TBC1D10A: variants seen among roughly 807,000 people sequenced by gnomAD.
The protein encoded by TBC1D10A is TBC1 domain family member 10A.
In TBC1D10A, 24 loss-of-function variants were observed where a neutral mutation model predicts 52.9. The observed-to-expected ratio is 0.45, with a 90% CI of 0.33 to 0.64. TBC1D10A has a LOEUF of 0.64. Among genes scored for constraint, TBC1D10A ranks in the 30% least tolerant of loss-of-function variants. TBC1D10A has a pLI of 0.02. For synonymous variants in TBC1D10A, 278 were observed against 282.9 expected, an observed-to-expected ratio of 0.98 and a Z score of 0.17; for missense variants, 602 against 687.9, an observed-to-expected ratio of 0.88 and a Z score of 1.40.
intron 2 of TBC1D10A, among the ~76,000 whole-genome samples, chr22:30,302,117 G>C (rs1930213739): frequency 6.6e-6 from 1 of 152,236 alleles, no homozygotes; most frequent in Non-Finnish European, 1.5e-5. Flanking sequence ...AGTACAGCCA[G>C]CCTTTCCCAC....
chr22:30,293,799 T>C lies in TBC1D10A; in HGVS notation c.902A>G (p.Lys301Arg), dbSNP rs139955651. The part of the protein sequence containing the change: ...VWDMFFCEGV[K>R]IIFRVGLVLL... ...CACCAGCCCCACCCGGAAGATGATC[T>C]TGACCCCTGCATGGGGGATGGGCAG... Residue 301 changes from lysine (K) to arginine (R), a missense_variant, in exon 8 of 9, where the codon AAG becomes AGG. Coordinates refer to ENST00000215790, the MANE Select transcript of TBC1D10A (RefSeq NM_031937.3). 3.1e-6 allele frequency: 5 copies of C among 1,611,408 alleles called. No homozygotes were observed. In the African/African-American group the frequency reaches 4.0e-5, roughly 13 times the overall value.
rs770300745 is a variant in TBC1D10A, at chr22:30,292,739, T to G, written c.1163A>C (p.His388Pro). The stretch of plus-strand genomic sequence containing the variant: ...TGCATCCAAGATAGCCTTGGCACCA[T>G]GCAGCCTGGGCGGGGAGCGGCACTG... ...ELQCRSPPRL[H>P]GAKAILDAEP... Residue 388 changes from histidine (H) to proline (P), a missense_variant, in exon 9 of 9, where the codon CAT (histidine) becomes CCT (proline). Around this residue, in one of 3 missense-constraint regions of TBC1D10A, gnomAD observed 265 missense variants for 275.1 expected, o/e 0.96. Transcript: ENST00000215790. The G allele has an allele frequency of 1.2e-6, 2 of 1,611,786 alleles. No homozygotes were observed. Among genetic ancestry groups the G allele is most frequent in the Non-Finnish European group, 1.7e-6 (2 of 1,179,488 alleles).
chr22:30,300,472 A>C (rs1930180760), intron 2 of TBC1D10A: 1 of 151,768 alleles, frequency 6.6e-6, no homozygotes, highest in Non-Finnish European at 1.5e-5. Context: ...AAAAAAAGGA[A>C]AAGGAACCAT....
chr22:30,320,910 G>A (rs1253268634), intron 1 of TBC1D10A, among the ~76,000 whole-genome samples: 4 of 152,210 alleles, frequency 2.6e-5, no homozygotes, highest in Non-Finnish European at 2.9e-5. Context: ...AGATTCTGGC[G>A]CTTGTGTGAG....
intron 1 of TBC1D10A, among the ~76,000 whole-genome samples, chr22:30,320,321 T>G (rs1027680336): frequency 3.9e-5 from 6 of 152,052 alleles, no homozygotes; most frequent in Admixed American, 1.3e-4. Flanking sequence ...GACCTTTCCC[T>G]GTACTGAGAC....
rs573258306 is a variant in TBC1D10A at position 30,299,269 on chromosome 22, G to A, written c.417+175C>T. On this transcript the variant is annotated intron_variant, in intron 3 of 8. Coordinates refer to ENST00000215790, the MANE Select transcript of TBC1D10A (RefSeq NM_031937.3). ...TGTACAGACCCTCCAGGAGACACAG[G>A]TACCCAGGACTGGGCCGGTCTGGCC... 4.9e-6 allele frequency: 3 copies of A among 613,022 alleles called. No homozygotes were observed. The East Asian group carries it at 8.6e-5, about 18-fold the overall frequency. 38.0% of individuals were successfully genotyped at this position (613,022 alleles called of 1,614,324 possible). A position where few individuals can be genotyped will look rare whatever the true frequency, so the allele number is the denominator to read the frequency against.
chr22:30,303,729 G>C (rs1930253572), intron 2 of TBC1D10A, among the ~76,000 whole-genome samples: 4 of 152,222 alleles, frequency 2.6e-5, no homozygotes, highest in Admixed American at 2.6e-4. Flanking sequence ...CTTGTACAGA[G>C]AGACCCTAGC....
intron 1 of TBC1D10A, among the ~76,000 whole-genome samples, chr22:30,308,158 G>A (rs1426546021): frequency 6.6e-6 from 1 of 152,236 alleles, no homozygotes; most frequent in Non-Finnish European, 1.5e-5. Context: ...TTAAGACCAT[G>A]TAGCTATAAG....
At chr22:30,305,319 G>A (rs1276695572) in intron 1 of TBC1D10A, among the ~76,000 whole-genome samples, 3 of 152,236 alleles carry the variant, frequency 2.0e-5, no homozygotes, top group Non-Finnish European at 4.4e-5. Flanking sequence ...GCCGTCCCAT[G>A]ATTAAAACAA....
intron 1 of TBC1D10A, among the ~76,000 whole-genome samples, chr22:30,308,519 A>G (rs185807128): frequency 5.9e-5 from 9 of 152,320 alleles, no homozygotes; most frequent in African/African-American, 1.9e-4. Context: ...ATGCACTCTG[A>G]TATTTCCAGA....
At chr22:30,296,923 G>A (rs1301281239) in intron 3 of TBC1D10A, 1 of 152,260 alleles carries the variant, frequency 6.6e-6, no homozygotes, top group East Asian at 1.9e-4. Flanking sequence ...GCACCTTCAT[G>A]GGAGTGTTGG....
chr22:30,324,116 C>T (rs928533937), intron 1 of TBC1D10A, among the ~76,000 whole-genome samples: 1 of 152,182 alleles, frequency 6.6e-6, no homozygotes. Flanking sequence ...TGTCTTAAGA[C>T]AACCTTTGGC....
At chr22:30,307,435 C>T (rs1182902579) in intron 1 of TBC1D10A, among the ~76,000 whole-genome samples, 1 of 152,180 alleles carries the variant, frequency 6.6e-6, no homozygotes, top group Non-Finnish European at 1.5e-5. Flanking sequence ...TATTGTTAAA[C>T]AGTTTCCACT....
intron 8 of TBC1D10A, 96 bp from the exon 9 acceptor site, chr22:30,292,947 C>G (rs577607862): frequency 7.3e-7 from 1 of 1,375,034 alleles, no homozygotes; most frequent in Admixed American, 1.8e-5. Flanking sequence ...CAGCATCCCC[C>G]AGCCTTGGCC....
At chr22:30,299,921 G>A (rs1237766481) in intron 2 of TBC1D10A, 4 of 170,550 alleles carry the variant, frequency 2.3e-5, no homozygotes, top group South Asian at 1.1e-4. Flanking sequence ...AGCCAAGATC[G>A]TGCCATTGCC....
At chr22:30,317,555 A>G (rs1930565494) in intron 1 of TBC1D10A, among the ~76,000 whole-genome samples, 2 of 152,136 alleles carry the variant, frequency 1.3e-5, no homozygotes, top group Admixed American at 1.3e-4. Context: ...TCCTAATCCA[A>G]TTATCTCATT....
chr22:30,294,063 C>T lies in TBC1D10A; in HGVS notation c.753G>A (p.Lys251=), dbSNP rs758512718. 3.1e-6 allele frequency: 5 copies of T among 1,614,110 alleles called. No homozygotes were observed. The African/African-American group carries it at 4.0e-5, about 13-fold the overall frequency. Residue 251 remains lysine, a synonymous_variant, in exon 7 of 9, where the codon AAG becomes AAA. Transcript: ENST00000215790. ...GGTGCTTGTGGGCCACCGGCGACAC[C>T]TTCTGCAACAGCGAGAAAAGGATCT... ...DGEILFSLLQ[K]VSPVAHKHLS... is the part of the protein sequence containing the mutation.
At chr22:30,302,128 T>G (rs1347169097) in intron 2 of TBC1D10A, among the ~76,000 whole-genome samples, 3 of 152,188 alleles carry the variant, frequency 2.0e-5, no homozygotes. Flanking sequence ...CCTTTCCCAC[T>G]CTGGCCTCCT....
chr22:30,308,277 A>AGCCTGCATGCCTGCCT (rs1317700224), intron 1 of TBC1D10A, among the ~76,000 whole-genome samples: 2 of 81,172 alleles, frequency 2.5e-5, no homozygotes, highest in Non-Finnish European at 4.5e-5. Flanking sequence ...GCCTCCACAC[A>AGCCTGCATGCCTGCCT]GCCTGCATGC....
Sources: gnomAD v4.1 joint callset for allele counts (sites outside exome capture counted in the v4.1 genomes callset) on GRCh38, gnomAD v4.1.1 for gene constraint, gnomAD v4.1.1 regional missense constraint, MANE v1.5 for transcripts, NCBI Gene and HGNC (gene_info 2026-07-23, HGNC 2026-07-21) for gene names.